The following CCDC73 variants were observed in gnomAD, a reference collection of about 807,000 sequenced individuals.
CCDC73 encodes coiled-coil domain-containing protein 73.
A neutral mutation model predicts 116.5 loss-of-function variants in CCDC73; 95 were observed. The observed-to-expected ratio is 0.82, with a 90% confidence interval of 0.69 to 0.97. The LOEUF is 0.97. CCDC73 is among the 50% of genes least tolerant of loss of function. The pLI is 0.00. For missense variants in CCDC73, 1,066 were observed against 1,206.8 expected (o/e 0.88, Z 1.73); for synonymous variants, 398 against 401.3 (o/e 0.99, Z 0.10).
intron 3 of CCDC73, among the ~76,000 whole-genome samples, chr11:32,715,356 T>C (rs1005460203): frequency 5.9e-5 from 9 of 152,178 alleles, no homozygotes; most frequent in African/African-American, 2.2e-4. Context: ...CAAGTTCTGA[T>C]AACAAACTTT....
intron 15 of CCDC73, 63 bp from the exon 16 acceptor site, chr11:32,615,005 T>C: frequency 1.1e-6 from 1 of 902,394 alleles, no homozygotes; most frequent in Non-Finnish European, 1.6e-6. Context: ...TCATAAGACA[T>C]ATTTATCACC....
chr11:32,708,978 C>G (rs552701167), intron 3 of CCDC73, among the ~76,000 whole-genome samples: 2 of 152,266 alleles, frequency 1.3e-5, no homozygotes, highest in African/African-American at 4.8e-5. Context: ...GCATCCTTGT[C>G]TTGTTCCAGT....
At chr11:32,667,533 G>C (rs2133279129) in intron 9 of CCDC73, among the ~76,000 whole-genome samples, 1 of 151,832 alleles carries the variant, frequency 6.6e-6, no homozygotes, top group African/African-American at 2.4e-5. Flanking sequence ...TAGGGTGGGA[G>C]TGACCCGATT....
At chr11:32,727,782 G>A (rs572089609) in intron 2 of CCDC73, among the ~76,000 whole-genome samples, 105 of 152,084 alleles carry the variant, frequency 6.9e-4, no homozygotes, top group Middle Eastern at 3.4e-3. Flanking sequence ...ATCTTGGCCA[G>A]GCTGGTCTTG....
At chr11:32,674,660 T>TG (rs1856069276) in intron 9 of CCDC73, among the ~76,000 whole-genome samples, 1 of 27,362 alleles carries the variant, frequency 3.7e-5, no homozygotes, top group African/African-American at 1.3e-4. Flanking sequence ...TTTCTCAGCC[T>TG]ATTGTAGGCT....
At chr11:32,639,174 A>G (rs910535194) in intron 13 of CCDC73, among the ~76,000 whole-genome samples, 1 of 151,262 alleles carries the variant, frequency 6.6e-6, no homozygotes, top group South Asian at 2.1e-4. Context: ...AAAAAATCCT[A>G]TTCCATCTTT....
chr11:32,620,594 G>A (rs915775197), intron 14 of CCDC73, among the ~76,000 whole-genome samples: 4 of 117,012 alleles, frequency 3.4e-5, no homozygotes, highest in African/African-American at 7.0e-5. Context: ...CTGGGCCACA[G>A]AGCGAGACTC....
intron 2 of CCDC73, among the ~76,000 whole-genome samples, chr11:32,723,348 T>C (rs1396512041): frequency 6.6e-6 from 1 of 152,204 alleles, no homozygotes; most frequent in South Asian, 2.1e-4. Context: ...GAAAGAGATT[T>C]GTGTAAATAT....
At chr11:32,747,197 T>C (rs1410506919) in intron 2 of CCDC73, among the ~76,000 whole-genome samples, 1 of 151,896 alleles carries the variant, frequency 6.6e-6, no homozygotes, top group Non-Finnish European at 1.5e-5. Context: ...CAGCTGCAGG[T>C]CTGTTGGAGT....
intron 2 of CCDC73, among the ~76,000 whole-genome samples, chr11:32,737,634 A>AG (rs1850146799): frequency 6.6e-6 from 1 of 151,304 alleles, no homozygotes; most frequent in Non-Finnish European, 1.5e-5. Flanking sequence ...AAAAAAAAAA[A>AG]TCACATCAGG....
intron 2 of CCDC73, among the ~76,000 whole-genome samples, chr11:32,736,494 CA>C (rs1341957717): frequency 6.6e-6 from 1 of 152,114 alleles, no homozygotes; most frequent in Admixed American, 6.5e-5. Context: ...CGGCGATCAT[CA>C]AAATGTCAGG....
intron 12 of CCDC73, among the ~76,000 whole-genome samples, chr11:32,646,866 A>G (rs1333045455): frequency 6.6e-6 from 1 of 151,918 alleles, no homozygotes. Context: ...TTTTGGTTCT[A>G]CTTTTTAGAA....
In CCDC73 at chr11:32,675,989, T is replaced by C. The variant is rs779106277; in HGVS notation, c.462A>G (p.Lys154=). ...CACTCAGTTGCTTATGATAGTCTTC[T>C]TTAGCCAGAAGATGTAACTGGACCT... ...EQKVQLHLLA[K]EDYHKQLSEI... The change falls in exon 8 of 18, where the codon AAA becomes AAG. Residue 154 remains lysine (K), a synonymous_variant. Coordinates refer to ENST00000335185, the MANE Select transcript of CCDC73 (RefSeq NM_001008391.4). The C allele has an allele frequency of 1.2e-6, 2 of 1,606,784 alleles. No individual in the cohort carries two copies. Among genetic ancestry groups the C allele is most frequent in the South Asian group, 1.1e-5 (1 of 89,386 alleles).
intron 9 of CCDC73, among the ~76,000 whole-genome samples, chr11:32,662,328 A>C (rs1477810521): frequency 1.3e-5 from 2 of 152,138 alleles, no homozygotes; most frequent in Non-Finnish European, 2.9e-5. Flanking sequence ...TTATTTCTCC[A>C]CATACTCTCC....
chr11:32,824,181 C>T, the CCDC73 span, among the ~76,000 whole-genome samples: 6 of 152,162 alleles, frequency 3.9e-5, no homozygotes, highest in Admixed American at 3.9e-4. Context: ...AGGTGTGAGC[C>T]ACCACGCCCA....
intron 9 of CCDC73, among the ~76,000 whole-genome samples, chr11:32,670,565 G>T (rs970321479): frequency 1.3e-5 from 2 of 151,816 alleles, no homozygotes; most frequent in Non-Finnish European, 2.9e-5. Context: ...TTACACTAGT[G>T]ATCTGTTCTA....
upstream of CCDC73, among the ~76,000 whole-genome samples, chr11:32,796,392 C>T (rs1850728277): frequency 1.3e-5 from 2 of 152,126 alleles, no homozygotes; most frequent in South Asian, 4.1e-4. Context: ...CTAATATTTA[C>T]GATAATTTAC....
chr11:32,614,568 C>T lies in CCDC73; in HGVS notation c.1750G>A (p.Ala584Thr), dbSNP rs1397872883. Residue 584 changes from alanine (A) to threonine (T), a missense_variant, in exon 16 of 18, where the codon GCA becomes ACA. Ala to Thr is a moderately conservative substitution (Grantham distance 58). Coordinates refer to ENST00000335185, the MANE Select transcript of CCDC73 (RefSeq NM_001008391.4). Reference protein sequence around the residue: ...TSFNSILNETAHNTYHNNNKD... With the variant: ...TSFNSILNETTHNTYHNNNKD... ...TTATTATTGTGATATGTATTGTGTG[C>T]TGTCTCATTTAAAATACTGTTAAAT... The T allele has an allele frequency of 1.2e-6, 2 of 1,611,668 alleles. No individual in the cohort carries two copies. Among genetic ancestry groups the T allele is most frequent in the Admixed American group, 1.7e-5 (1 of 59,882 alleles).
intron 7 of CCDC73, among the ~76,000 whole-genome samples, chr11:32,678,106 C>T (rs1173259130): frequency 6.6e-6 from 1 of 151,890 alleles, no homozygotes; most frequent in African/African-American, 2.4e-5. Flanking sequence ...TAGTGAAACC[C>T]TGTCTCTACT....
Sources: allele counts gnomAD v4.1 joint callset (sites outside exome capture counted in the v4.1 genomes callset), GRCh38; gene constraint gnomAD v4.1.1; transcripts MANE v1.5; gene names NCBI Gene and HGNC (gene_info 2026-07-23, HGNC 2026-07-21).